Variants in COLEC12 observed in about 807,000 individuals in gnomAD.
COLEC12 encodes the protein collectin subfamily member 12.
In COLEC12, 33 loss-of-function variants were observed where a neutral mutation model predicts 71.1. The ratio of observed to expected loss-of-function variants is 0.46; its 90% CI spans 0.35 to 0.62. COLEC12 has a LOEUF of 0.62. Among genes scored for constraint, COLEC12 ranks in the 20% least tolerant of loss-of-function variants. COLEC12 has a pLI of 0.00. For missense variants in COLEC12, 765 were observed against 916.1 expected, an observed-to-expected ratio of 0.84 and a Z score of 2.13; for synonymous variants, 350 against 353.0, an observed-to-expected ratio of 0.99 and a Z score of 0.10.
intron 1 of COLEC12, among the ~76,000 whole-genome samples, chr18:498,911 G>A (rs1048889190): frequency 2.6e-5 from 4 of 152,176 alleles, no homozygotes; most frequent in African/African-American, 9.6e-5. Flanking sequence ...AAGTGCAATA[G>A]CGGTCCTTTA....
intron 2 of COLEC12, among the ~76,000 whole-genome samples, chr18:383,879 GA>G (rs1915286833): frequency 6.6e-6 from 1 of 152,206 alleles, no homozygotes; most frequent in African/African-American, 2.4e-5. Context: ...GAAAGTGAAG[GA>G]GGAGCAAAGT....
intron 8 of COLEC12, among the ~76,000 whole-genome samples, chr18:325,565 T>C (rs1390187353): frequency 7.0e-6 from 1 of 142,044 alleles, no homozygotes; most frequent in Non-Finnish European, 1.5e-5. Flanking sequence ...CCATTAACAA[T>C]GACAGTCTCC....
rs1017464942 is a variant in COLEC12 at position 376,200 on chromosome 18, G to A, written c.59-18678C>T. Among the ~76,000 whole-genome samples, 10 of 152,182 alleles carry A rather than the reference G, an allele frequency of 6.6e-5. No homozygotes were observed. The East Asian group carries it at 1.7e-3, about 26-fold the overall frequency. ...AAGGCTGGTCCACCCCAGGGGGTGG[G>A]AAGTGGGGAATAATGGCTCCAGAAT... On this transcript the variant is annotated intron_variant, in intron 2 of 9. Transcript: ENST00000400256.
chr18:402,091 C>G (rs1915698761), intron 2 of COLEC12, among the ~76,000 whole-genome samples: 1 of 152,052 alleles, frequency 6.6e-6, no homozygotes, highest in African/African-American at 2.4e-5. Context: ...GTGTTTTGAA[C>G]AAAGAATTGG....
chr18:321,484 T>A (rs941470657), intron 9 of COLEC12, among the ~76,000 whole-genome samples, 178 bp downstream of exon 9: 3 of 152,248 alleles, frequency 2.0e-5, no homozygotes, highest in Admixed American at 6.5e-5. Context: ...CACAACCTCG[T>A]GAAGAAGATG....
intron 2 of COLEC12, among the ~76,000 whole-genome samples, chr18:365,288 A>C (rs1016555185): frequency 3.5e-4 from 53 of 152,336 alleles, no homozygotes; most frequent in Non-Finnish European, 7.3e-4. Flanking sequence ...TCTCTCTAGG[A>C]GAGGTCAAGA....
At position 346,618 on chromosome 18, in the gene COLEC12, C is replaced by A. The variant is rs996591543; in HGVS notation, c.1004G>T (p.Arg335Leu). The change falls in exon 5 of 10, where the codon CGC becomes CTC. Residue 335 changes from arginine to leucine, a missense_variant. By Grantham distance (102) the Arg-to-Leu change is moderately radical. Transcript: ENST00000400256. This position sits in a 1 kb window ranked among gnomAD's most constrained non-coding sequence, Gnocchi z 4.0. ...TAIKFNQLEERFQLFETDIVN... is the reference protein window; with the variant it reads ...TAIKFNQLEELFQLFETDIVN... Reference sequence around the variant, plus strand: ...AATATCCGTCTCAAAGAGCTGGAAGCGTTCCTCCAGTTGGTTGAACTTGAT... The same window carrying A: ...AATATCCGTCTCAAAGAGCTGGAAGAGTTCCTCCAGTTGGTTGAACTTGAT... The A allele has an allele frequency of 6.2e-7, 1 of 1,613,996 alleles. No homozygotes were observed. The highest frequency in any genetic ancestry group is 1.3e-5 in the African/African-American group (1 of 74,916).
At chr18:493,360 C>G (rs756011429) in intron 1 of COLEC12, among the ~76,000 whole-genome samples, 1 of 152,222 alleles carries the variant, frequency 6.6e-6, no homozygotes, top group Non-Finnish European at 1.5e-5. Context: ...AGTCATCAGG[C>G]TCAGCCCTCC....
intron 2 of COLEC12, among the ~76,000 whole-genome samples, chr18:452,797 C>T (rs908486987): frequency 6.6e-6 from 1 of 152,350 alleles, no homozygotes; most frequent in Middle Eastern, 3.4e-3. Flanking sequence ...AACTTCACAT[C>T]TGTTCTTCCT....
At chr18:394,993 G>C (rs1351661076) in intron 2 of COLEC12, among the ~76,000 whole-genome samples, 1 of 152,252 alleles carries the variant, frequency 6.6e-6, no homozygotes, top group African/African-American at 2.4e-5. Flanking sequence ...GTTTGAGCAA[G>C]TGATTAATGA....
intron 1 of COLEC12, among the ~76,000 whole-genome samples, chr18:496,476 T>C (rs1354987806): frequency 6.6e-6 from 1 of 152,216 alleles, no homozygotes; most frequent in African/African-American, 2.4e-5. Context: ...GAAAAAGGCC[T>C]CATTTTGTTT....
At chr18:441,080 C>A (rs1266596672) in intron 2 of COLEC12, among the ~76,000 whole-genome samples, 1 of 108,202 alleles carries the variant, frequency 9.2e-6, no homozygotes, top group East Asian at 3.0e-4. Flanking sequence ...AACCCTGTCT[C>A]TACTAAAAAT....
At chr18:450,562 C>T (rs1916740374) in intron 2 of COLEC12, among the ~76,000 whole-genome samples, 1 of 152,224 alleles carries the variant, frequency 6.6e-6, no homozygotes, top group Non-Finnish European at 1.5e-5. Context: ...GCTTCCTGTA[C>T]AGCCTGCAGA....
At chr18:482,162 C>G (rs1459610573) in intron 1 of COLEC12, among the ~76,000 whole-genome samples, 1 of 150,668 alleles carries the variant, frequency 6.6e-6, no homozygotes, top group Non-Finnish European at 1.5e-5. Flanking sequence ...GTTGCTCAGG[C>G]TGAAGTGCAG....
intron 2 of COLEC12, among the ~76,000 whole-genome samples, chr18:464,324 T>C (rs936793166): frequency 1.3e-5 from 2 of 152,202 alleles, no homozygotes; most frequent in Non-Finnish European, 2.9e-5. Flanking sequence ...AGTCTATCAC[T>C]TAACAATGGA....
intron 5 of COLEC12, among the ~76,000 whole-genome samples, chr18:340,065 G>T (rs1161777036): frequency 2.4e-5 from 2 of 85,096 alleles, no homozygotes; most frequent in Non-Finnish European, 4.9e-5. Flanking sequence ...TACCCTTAGT[G>T]CCTGAAAGCA....
chr18:371,154 C>G (rs114244946), intron 2 of COLEC12, among the ~76,000 whole-genome samples: 167 of 152,272 alleles, frequency 1.1e-3, no homozygotes, highest in African/African-American at 3.8e-3. Context: ...TTCTACAGTA[C>G]TTGGGGGAAA....
chr18:329,789 C>T (rs1321571034), intron 8 of COLEC12, among the ~76,000 whole-genome samples: 3 of 152,192 alleles, frequency 2.0e-5, no homozygotes, highest in Admixed American at 2.0e-4. Flanking sequence ...TTATAAAGAG[C>T]TGGCCTGGCT....
rs140613873 is a variant in COLEC12 at position 431,939 on chromosome 18, C to T, written c.58+48768G>A. Among the ~76,000 whole-genome samples the T allele has an allele frequency of 7.2e-4, 110 of 152,238 alleles. 1 individual carries two copies. Among genetic ancestry groups the T allele is most frequent in the Admixed American group, 2.2e-3 (34 of 15,296 alleles). ...CTTACAAAAACCCAAAGAGGTAAAT[C>T]CCATATTATCTAGAGAGGTTAAATA... On this transcript the variant is annotated intron_variant, in intron 2 of 9. Transcript: ENST00000400256.
Sources: allele counts gnomAD v4.1 joint callset (sites outside exome capture counted in the v4.1 genomes callset), GRCh38; gene constraint gnomAD v4.1.1; non-coding constraint Gnocchi (gnomAD v3.1); transcripts MANE v1.5; gene names NCBI Gene and HGNC (gene_info 2026-07-23, HGNC 2026-07-21).